HEATR5A: variants seen among roughly 807,000 people sequenced by gnomAD.
The protein encoded by HEATR5A is HEAT repeat containing 5A.
In HEATR5A, 178 loss-of-function variants were observed where a neutral mutation model predicts 218.8. That is an observed-to-expected ratio of 0.81 (90% CI 0.72 to 0.92). The LOEUF is 0.92. Among genes scored for constraint, HEATR5A ranks in the 40% least tolerant of loss-of-function variants. The pLI is 0.00. For missense variants in HEATR5A, 2,420 were observed against 2,418.9 expected, an observed-to-expected ratio of 1.00 and a Z score of -0.01; for synonymous variants, 864 against 871.6, an observed-to-expected ratio of 0.99 and a Z score of 0.15.
chr14:31,378,233 T>C (rs529985698), intron 11 of HEATR5A, among the ~76,000 whole-genome samples: 1 of 152,272 alleles, frequency 6.6e-6, no homozygotes, highest in South Asian at 2.1e-4. Flanking sequence ...CTGTTGCAAT[T>C]ACTCAACTCT....
chr14:31,368,837 C>T (rs2139248998), intron 13 of HEATR5A, among the ~76,000 whole-genome samples: 1 of 152,044 alleles, frequency 6.6e-6, no homozygotes, highest in East Asian at 1.9e-4. Context: ...ACTAGGATTA[C>T]AGGCATGAGC....
intron 1 of HEATR5A, among the ~76,000 whole-genome samples, chr14:31,411,516 C>T (rs1187381159): frequency 6.6e-6 from 1 of 152,154 alleles, no homozygotes; most frequent in Non-Finnish European, 1.5e-5. Context: ...TTGTGGAATG[C>T]TGCCAGAAGA....
intron 9 of HEATR5A, among the ~76,000 whole-genome samples, chr14:31,385,451 A>AT (rs2030179006): frequency 6.6e-6 from 1 of 152,244 alleles, no homozygotes. Flanking sequence ...TTTAAAAGTG[A>AT]TTTTTTAAAA....
At chr14:31,385,292 C>T (rs995846046) in intron 9 of HEATR5A, among the ~76,000 whole-genome samples, 5 of 152,126 alleles carry the variant, frequency 3.3e-5, no homozygotes, top group African/African-American at 9.7e-5. Flanking sequence ...CCATACCTGG[C>T]TAAGTTTTAA....
chr14:31,400,415 T>C lies in HEATR5A; in HGVS notation c.224A>G (p.Asn75Ser), dbSNP rs946520308. 51 of 1,535,804 alleles carry C rather than the reference T, an allele frequency of 3.3e-5. No individual in the cohort carries two copies. Among genetic ancestry groups the C allele is most frequent in the Admixed American group, 1.2e-4 (6 of 50,976 alleles). ...GPPTRKLLAK[N>S]LAILYSIGDT... is the part of the protein sequence containing the mutation. The stretch of plus-strand genomic sequence containing the variant: ...TCCAATACTATAAAGTATGGCTAGA[T>C]TCTTAGCAAGCAGTTTGCGGGTAGG... The change falls in exon 3 of 36, where the codon AAT becomes AGT. Residue 75 changes from asparagine to serine, a missense_variant. Transcript: ENST00000543095.
chr14:31,383,579 G>A lies in HEATR5A; in HGVS notation c.1538C>T (p.Ala513Val). The A allele has an allele frequency of 6.2e-7, 1 of 1,613,914 alleles. No individual in the cohort carries two copies. The highest frequency in any genetic ancestry group is 8.5e-7 in the Non-Finnish European group (1 of 1,179,816). The change falls in exon 10 of 36, where the codon GCA becomes GTA. Residue 513 changes from alanine to valine, a missense_variant. By Grantham distance (64) the Ala-to-Val change is moderately conservative (BLOSUM62 0). Transcript: ENST00000543095. ...ATGTTTTACTGCTCCCAACAAAGCT[G>A]CTACAGCAAAACTGAAGCCAGTCAC... ...EAVTGFSFAV[A>V]ALLGAVKHCP... is the part of the protein sequence containing the mutation.
intron 13 of HEATR5A, among the ~76,000 whole-genome samples, chr14:31,367,157 C>T (rs1311840492): frequency 6.6e-6 from 1 of 152,102 alleles, no homozygotes; most frequent in Non-Finnish European, 1.5e-5. Flanking sequence ...TTTTATACGG[C>T]AGCAATAAAC....
At chr14:31,401,715 AG>A (rs1487363449) in intron 2 of HEATR5A, among the ~76,000 whole-genome samples, 1 of 152,228 alleles carries the variant, frequency 6.6e-6, no homozygotes, top group Non-Finnish European at 1.5e-5. Context: ...ACAGCATCTG[AG>A]TTACTAATCC....
intron 22 of HEATR5A, 27 bp from the exon 23 acceptor site, chr14:31,326,369 A>C (rs536365031): frequency 6.4e-7 from 1 of 1,558,216 alleles, no homozygotes; most frequent in East Asian, 2.2e-5. Context: ...CAATTATCTA[A>C]GTAATACAGA....
At chr14:31,418,644 A>G (rs955937521) in intron 1 of HEATR5A, among the ~76,000 whole-genome samples, 1 of 152,264 alleles carries the variant, frequency 6.6e-6, no homozygotes, top group African/African-American at 2.4e-5. Context: ...ATGTCTCCTG[A>G]AAAAGCAGAA....
intron 22 of HEATR5A, among the ~76,000 whole-genome samples, chr14:31,331,456 A>G (rs1319106551): frequency 6.6e-6 from 1 of 152,158 alleles, no homozygotes; most frequent in East Asian, 1.9e-4. Context: ...TTTTGGTCAA[A>G]GCCATTCAAC....
chr14:31,415,942 T>G (rs1452895375), intron 1 of HEATR5A, among the ~76,000 whole-genome samples: 1 of 134,666 alleles, frequency 7.4e-6, no homozygotes. Flanking sequence ...ATACTATGGG[T>G]TTTTTTTTTT....
chr14:31,293,843 A>G, intron 35 of HEATR5A, 48 bp downstream of exon 35: 2 of 1,452,922 alleles, frequency 1.4e-6, no homozygotes, highest in Non-Finnish European at 1.9e-6. Flanking sequence ...TAACAGTAAA[A>G]TTCTGATTTT....
chr14:31,399,497 T>C lies in HEATR5A; in HGVS notation c.339-716A>G, dbSNP rs866335943. Among the ~76,000 whole-genome samples, 7 of 152,088 alleles carry C rather than the reference T, an allele frequency of 4.6e-5. 1 individual carries two copies. In the South Asian group the frequency reaches 1.4e-3, roughly 31 times the overall value. On this transcript the variant is annotated intron_variant, in intron 3 of 35. Coordinates refer to ENST00000543095, the MANE Select transcript of HEATR5A (RefSeq NM_015473.4). ...AAACTTTATGGGGGAATACATTCTGTTATAAGGTAAAAATGAGACCAACAA... is the reference window on the plus strand; with the variant it reads ...AAACTTTATGGGGGAATACATTCTGCTATAAGGTAAAAATGAGACCAACAA...
chr14:31,337,380 T>C (rs769066766), intron 22 of HEATR5A, 96 bp downstream of exon 22: 120 of 973,286 alleles, frequency 1.2e-4, no homozygotes, highest in Non-Finnish European at 1.7e-4. Context: ...TTAAGACATA[T>C]TAACTTTTAA....
intron 1 of HEATR5A, among the ~76,000 whole-genome samples, chr14:31,406,407 T>A (rs569615937): frequency 1.5e-3 from 223 of 152,348 alleles, no homozygotes; most frequent in Middle Eastern, 6.8e-3. Context: ...ATTTACTGCT[T>A]ACTTATTATA....
intron 10 of HEATR5A, among the ~76,000 whole-genome samples, chr14:31,381,673 C>T (rs555505628): frequency 1.3e-5 from 2 of 152,048 alleles, no homozygotes; most frequent in South Asian, 4.2e-4. Flanking sequence ...GTAGTTTCAG[C>T]CACTTGGGAG....
At chr14:31,336,984 G>A (rs753773524) in intron 22 of HEATR5A, among the ~76,000 whole-genome samples, 6 of 152,184 alleles carry the variant, frequency 3.9e-5, no homozygotes, top group Non-Finnish European at 5.9e-5. Flanking sequence ...ACAAGTTACT[G>A]TACTGGATAC....
chr14:31,388,296 G>A (rs8014931), intron 7 of HEATR5A, among the ~76,000 whole-genome samples: 2,984 of 151,806 alleles, frequency 0.02, 87 homozygotes, highest in African/African-American at 0.068. Flanking sequence ...GAATGATAAC[G>A]GTGTTTAGAA....
Sources: allele counts gnomAD v4.1 joint callset (sites outside exome capture counted in the v4.1 genomes callset), GRCh38; gene constraint gnomAD v4.1.1; transcripts MANE v1.5; gene names NCBI Gene and HGNC (gene_info 2026-07-23, HGNC 2026-07-21).